CSMD1: variants seen among roughly 807,000 people sequenced by gnomAD.
CSMD1 encodes CUB and sushi domain-containing protein 1.
In CSMD1, 213 loss-of-function variants were observed where a neutral mutation model predicts 417.5. The observed-to-expected ratio is 0.51, with a 90% CI of 0.46 to 0.57. The LOEUF is 0.57. Ranked by LOEUF, CSMD1 falls within the 20% of genes least tolerant of loss-of-function variation. The pLI is 0.00. For missense variants in CSMD1, 6,923 were observed against 4,529.7 expected (o/e 1.53, Z -15.17); for synonymous variants, 2,862 against 1,736.8 (o/e 1.65, Z -16.11).
intron 7 of CSMD1, among the ~76,000 whole-genome samples, chr8:3,650,124 C>G (rs543929853): frequency 6.6e-6 from 1 of 151,922 alleles, no homozygotes; most frequent in Admixed American, 6.6e-5. Context: ...ACTAAAAATA[C>G]AAAACTTAGC....
intron 5 of CSMD1, among the ~76,000 whole-genome samples, chr8:3,952,919 A>G (rs1811686251): frequency 6.6e-6 from 1 of 152,212 alleles, no homozygotes; most frequent in East Asian, 1.9e-4. Context: ...ATTGAGTGCA[A>G]TTTATGTCTT....
At chr8:4,420,113 T>TGA in intron 2 of CSMD1, 48 bp from the exon 3 acceptor site, 1 of 1,318,392 alleles carries the variant, frequency 7.6e-7, no homozygotes, top group South Asian at 1.3e-5. Context: ...CATGAATTTG[T>TGA]CAAAAAAAGC....
intron 3 of CSMD1, among the ~76,000 whole-genome samples, chr8:4,103,491 T>C (rs1286560601): frequency 6.8e-6 from 1 of 147,550 alleles, no homozygotes; most frequent in Non-Finnish European, 1.5e-5. Flanking sequence ...TACATATATA[T>C]AAATAAACAT....
chr8:3,378,190 C>T (rs564150599), intron 18 of CSMD1, among the ~76,000 whole-genome samples: 1 of 152,146 alleles, frequency 6.6e-6, no homozygotes, highest in Non-Finnish European at 1.5e-5. Context: ...ATAGTCTTGG[C>T]TAAACCAGGA....
intron 3 of CSMD1, among the ~76,000 whole-genome samples, chr8:4,136,415 C>T (rs965132634): frequency 3.9e-5 from 6 of 152,110 alleles, no homozygotes; most frequent in Non-Finnish European, 7.4e-5. Flanking sequence ...AAATAAATAA[C>T]ATAAAACTGG....
chr8:3,440,615 C>T (rs1032575223), intron 12 of CSMD1, among the ~76,000 whole-genome samples: 8 of 152,058 alleles, frequency 5.3e-5, no homozygotes, highest in Non-Finnish European at 1.2e-4. Flanking sequence ...TACTGTTTTT[C>T]TTTGCAATCT....
At chr8:4,057,634 C>A (rs867712430) in intron 3 of CSMD1, among the ~76,000 whole-genome samples, 1 of 118,434 alleles carries the variant, frequency 8.4e-6, no homozygotes, top group South Asian at 3.0e-4. Context: ...ATGGTAATGC[C>A]TAGGTTTTCT....
At chr8:4,705,458 A>G (rs1187908091) in intron 1 of CSMD1, among the ~76,000 whole-genome samples, 3 of 152,162 alleles carry the variant, frequency 2.0e-5, no homozygotes, top group Non-Finnish European at 4.4e-5. Flanking sequence ...AAGTGTGCTC[A>G]CATAGTCTTC....
rs111418128 is a variant in CSMD1 at position 3,195,402 on chromosome 8, G to T, written c.5194+4312C>A. On this transcript the variant is annotated intron_variant, in intron 33 of 69. Transcript: ENST00000635120. The stretch of plus-strand genomic sequence containing the variant: ...CTAATGTTGAAAGACGTGAATTACA[G>T]GCCAAAGCAAAGTCTCTAAATGCAA... Among the ~76,000 whole-genome samples the T allele has an allele frequency of 7.3e-3, 1,118 of 152,276 alleles. 16 individuals are homozygous for T. Among genetic ancestry groups the T allele is most frequent in the African/African-American group, 0.025 (1,028 of 41,552 alleles).
chr8:3,390,274 G>C (rs969025742), intron 17 of CSMD1, among the ~76,000 whole-genome samples: 2 of 136,710 alleles, frequency 1.5e-5, no homozygotes, highest in African/African-American at 5.4e-5. Flanking sequence ...AGAAACGCTT[G>C]AACTCAGGAG....
At position 2,998,078 on chromosome 8, in the gene CSMD1, C is replaced by A. The variant is rs1289095760; in HGVS notation, c.8310G>T (p.Leu2770=). ...GACACTGGGCTCGAGACACGCCCTG[C>A]AGCAAATAGCCCGTGTTGCAGGTGA... ...VNFTCNTGYL[L]QGVSRAQCRS... Residue 2770 remains leucine (L), a synonymous_variant, in exon 54 of 70, where the codon CTG becomes CTT. Transcript: ENST00000635120. The A allele has an allele frequency of 6.2e-7, 1 of 1,614,022 alleles. No homozygotes were observed. Among genetic ancestry groups the A allele is most frequent in the Non-Finnish European group, 8.5e-7 (1 of 1,179,888 alleles).
chr8:3,743,776 T>A (rs566789300), intron 6 of CSMD1, among the ~76,000 whole-genome samples: 1 of 152,332 alleles, frequency 6.6e-6, no homozygotes, highest in East Asian at 1.9e-4. Flanking sequence ...TGTAAATTGA[T>A]AAGTTTATCT....
In CSMD1 at chr8:4,839,028, A is replaced by G. The variant is rs531700334; in HGVS notation, c.85+155304T>C. Among the ~76,000 whole-genome samples, 12 of 152,302 alleles carry G rather than the reference A, an allele frequency of 7.9e-5. 1 individual carries two copies. The highest frequency in any genetic ancestry group is 6.5e-5 in the Admixed American group (1 of 15,296). On this transcript the variant is annotated intron_variant, in intron 1 of 69. Transcript: ENST00000635120. ...CATTCAGACTTGTGGTTTTGCCAGT[A>G]TAACTTTTTGGAATTGGTTTTTTGC... is the stretch of plus-strand genomic sequence containing the variant.
At chr8:2,945,120 T>C (rs1802134328) in intron 68 of CSMD1, among the ~76,000 whole-genome samples, 1 of 152,198 alleles carries the variant, frequency 6.6e-6, no homozygotes, top group Non-Finnish European at 1.5e-5. Context: ...CATAAAGGGA[T>C]ATGAAAACAA....
intron 5 of CSMD1, among the ~76,000 whole-genome samples, chr8:3,980,605 A>G (rs1233801863): frequency 2.0e-5 from 3 of 152,054 alleles, no homozygotes; most frequent in Non-Finnish European, 4.4e-5. Flanking sequence ...TTTGTTTTTT[A>G]TGCCCCAATG....
Position 4,166,015 on chromosome 8 carries a change from T to C in CSMD1, c.416-133916A>G, listed in dbSNP as rs567929863. Among the ~76,000 whole-genome samples, 121 of 152,334 alleles carry C rather than the reference T, an allele frequency of 7.9e-4. 1 individual carries two copies. Among genetic ancestry groups the C allele is most frequent in the African/African-American group, 2.6e-3 (109 of 41,582 alleles). On this transcript the variant is annotated intron_variant, in intron 3 of 69. Coordinates refer to ENST00000635120, the MANE Select transcript of CSMD1 (RefSeq NM_033225.6). The stretch of plus-strand genomic sequence containing the variant: ...GCAATTATGGGACTGTACATCTCTT[T>C]ATATCCTTTTCTTGACCTTATTTAC...
intron 2 of CSMD1, among the ~76,000 whole-genome samples, chr8:4,567,126 C>T (rs963829425): frequency 6.6e-6 from 1 of 152,160 alleles, no homozygotes; most frequent in African/African-American, 2.4e-5. Context: ...TAAATCACAG[C>T]ATCACAGCCC....
In CSMD1 at chr8:3,110,256, C is replaced by A; in HGVS notation, c.6510G>T (p.Lys2170Asn). 6 of 1,613,432 alleles carry A rather than the reference C, an allele frequency of 3.7e-6. No individual in the cohort carries two copies. Among genetic ancestry groups the A allele is most frequent in the Non-Finnish European group, 4.2e-6 (5 of 1,179,702 alleles). The change falls in exon 43 of 70, where the codon AAG becomes AAT. Residue 2170 changes from lysine to asparagine, a missense_variant. By Grantham distance (94) the Lys-to-Asn change is moderately conservative. Transcript: ENST00000635120. ...PGFPDEYPILKDCIWLITVPP... is the reference protein window; with the variant it reads ...PGFPDEYPILNDCIWLITVPP... ...GCACCGTGATGAGCCAAATGCAGTC[C>A]TTCAGGATCGGATACTCATCAGGAA...
At chr8:4,446,150 CTG>C (rs1798776068) in intron 2 of CSMD1, among the ~76,000 whole-genome samples, 1 of 152,198 alleles carries the variant, frequency 6.6e-6, no homozygotes, top group African/African-American at 2.4e-5. Context: ...GAGTTTTGAA[CTG>C]AAACCCATAC....
Sources: allele counts gnomAD v4.1 joint callset (sites outside exome capture counted in the v4.1 genomes callset), GRCh38; gene constraint gnomAD v4.1.1; transcripts MANE v1.5; gene names NCBI Gene and HGNC (gene_info 2026-07-23, HGNC 2026-07-21).